The following SEMA3D variants were observed in gnomAD, a reference collection of about 807,000 sequenced individuals.
SEMA3D encodes the protein semaphorin-3D.
Under a neutral mutation model 100.1 loss-of-function variants are expected in SEMA3D, and 84 were observed. The observed-to-expected ratio is 0.84, with a 90% CI of 0.70 to 1.01. The LOEUF (loss-of-function observed/expected upper bound fraction) is 1.01, where lower values mean the gene tolerates loss of function less well. Ranked by LOEUF, SEMA3D falls within the 50% of genes least tolerant of loss-of-function variation. SEMA3D has a pLI of 0.00. For synonymous variants in SEMA3D, 312 were observed against 320.7 expected, an observed-to-expected ratio of 0.97 and a Z score of 0.29; for missense variants, 875 against 934.1, an observed-to-expected ratio of 0.94 and a Z score of 0.82.
At chr7:85,080,644 A>G (rs1268201599) in intron 5 of SEMA3D, among the ~76,000 whole-genome samples, 1 of 152,222 alleles carries the variant, frequency 6.6e-6, no homozygotes, top group East Asian at 1.9e-4. Context: ...CAAAAAAAGG[A>G]GCAATTCTCC....
intron 11 of SEMA3D, among the ~76,000 whole-genome samples, chr7:85,037,721 G>T (rs1584541314): frequency 6.6e-6 from 1 of 151,968 alleles, no homozygotes. Flanking sequence ...CAGGATTAGA[G>T]AAAGTATTAA....
At chr7:85,025,090 C>T (rs930158716) in intron 12 of SEMA3D, among the ~76,000 whole-genome samples, 7 of 151,940 alleles carry the variant, frequency 4.6e-5, no homozygotes, top group South Asian at 2.1e-4. Context: ...GGGTTTTTCT[C>T]CGTATGTATG....
intron 1 of SEMA3D, among the ~76,000 whole-genome samples, chr7:85,177,621 TAATA>T (rs1194593391): frequency 6.6e-6 from 1 of 152,144 alleles, no homozygotes; most frequent in African/African-American, 2.4e-5. Flanking sequence ...TAGAGATGAC[TAATA>T]AATAGCATTT....
intron 2 of SEMA3D, among the ~76,000 whole-genome samples, chr7:85,147,970 T>C (rs1051997513): frequency 1.3e-5 from 2 of 152,076 alleles, no homozygotes; most frequent in African/African-American, 4.8e-5. Flanking sequence ...GGTTTTATTC[T>C]CTCAAACACC....
the SEMA3D span, among the ~76,000 whole-genome samples, chr7:85,215,321 A>G: frequency 3.3e-5 from 5 of 152,194 alleles, no homozygotes; most frequent in African/African-American, 1.2e-4. Flanking sequence ...AGTAGGTGTT[A>G]TTGTTGTTCT....
chr7:85,204,587 C>T, the SEMA3D span, among the ~76,000 whole-genome samples: 4 of 151,962 alleles, frequency 2.6e-5, no homozygotes, highest in African/African-American at 7.3e-5. Flanking sequence ...ATGATAGGTA[C>T]GGGAACTTAC....
intron 4 of SEMA3D, among the ~76,000 whole-genome samples, chr7:85,090,172 T>G (rs1788343051): frequency 6.6e-6 from 1 of 152,126 alleles, no homozygotes; most frequent in African/African-American, 2.4e-5. Context: ...TGGCACAGAA[T>G]CTGGCATGGT....
At chr7:85,047,546 T>C (rs1264453923) in intron 9 of SEMA3D, among the ~76,000 whole-genome samples, 2 of 151,856 alleles carry the variant, frequency 1.3e-5, no homozygotes, top group African/African-American at 4.8e-5. Flanking sequence ...ACATTGTCAT[T>C]TTAACCTATA....
intron 1 of SEMA3D, among the ~76,000 whole-genome samples, chr7:85,175,642 T>C (rs1583990821): frequency 6.6e-6 from 1 of 152,316 alleles, no homozygotes; most frequent in East Asian, 1.9e-4. Context: ...TACTATAATT[T>C]CTTAATTTGT....
chr7:85,202,121 A>G, the SEMA3D span, among the ~76,000 whole-genome samples: 1 of 151,404 alleles, frequency 6.6e-6, no homozygotes, highest in Non-Finnish European at 1.5e-5. Flanking sequence ...GGTTAGTTAC[A>G]TACATATACA....
At chr7:85,087,350 T>TG (rs1308484343) in intron 4 of SEMA3D, among the ~76,000 whole-genome samples, 1 of 152,204 alleles carries the variant, frequency 6.6e-6, no homozygotes, top group Non-Finnish European at 1.5e-5. Flanking sequence ...ATAATTTTGG[T>TG]GGGTTGTGGT....
chr7:85,049,382 T>C (rs552247799), intron 9 of SEMA3D, among the ~76,000 whole-genome samples: 6 of 151,880 alleles, frequency 4.0e-5, no homozygotes, highest in African/African-American at 1.4e-4. Flanking sequence ...ATAAAAATTA[T>C]TGGAAATACA....
the SEMA3D span, among the ~76,000 whole-genome samples, chr7:85,237,838 A>G: frequency 1.3e-5 from 2 of 152,118 alleles, no homozygotes; most frequent in Non-Finnish European, 2.9e-5. Flanking sequence ...TTTATTTTGT[A>G]AGAAACCACA....
the SEMA3D span, among the ~76,000 whole-genome samples, chr7:85,225,053 TATATATA>T: frequency 0.04 from 70 of 1,732 alleles, 2 homozygotes; most frequent in Middle Eastern, 0.1. Context: ...TTTTCTTTTA[TATATATA>T]TATATATATA....
At chr7:85,218,305 G>T in the SEMA3D span, among the ~76,000 whole-genome samples, 1 of 151,940 alleles carries the variant, frequency 6.6e-6, no homozygotes. Context: ...TTAAGTGATG[G>T]ACATGTACCA....
intron 2 of SEMA3D, among the ~76,000 whole-genome samples, chr7:85,146,492 T>G (rs1464947851): frequency 6.6e-6 from 1 of 151,794 alleles, no homozygotes; most frequent in Non-Finnish European, 1.5e-5. Context: ...AGGCGGAGGT[T>G]GCATTGAGCC....
intron 8 of SEMA3D, among the ~76,000 whole-genome samples, chr7:85,061,560 C>T (rs1361012157): frequency 6.6e-6 from 1 of 152,110 alleles, no homozygotes; most frequent in African/African-American, 2.4e-5. Flanking sequence ...TATTCTCTCC[C>T]CTCCCACTCC....
chr7:85,161,624 T>C (rs1043970788), intron 1 of SEMA3D, among the ~76,000 whole-genome samples: 31 of 152,028 alleles, frequency 2.0e-4, no homozygotes, highest in African/African-American at 7.5e-4. Context: ...AGGAGTGAGA[T>C]GGCTCTTCAC....
intron 1 of SEMA3D, among the ~76,000 whole-genome samples, chr7:85,183,370 T>C (rs1406215669): frequency 6.6e-6 from 1 of 152,190 alleles, no homozygotes; most frequent in Non-Finnish European, 1.5e-5. Context: ...CCAAGCAATA[T>C]CCTTTTTAGT....
Sources: allele counts gnomAD v4.1 joint callset (sites outside exome capture counted in the v4.1 genomes callset), GRCh38; gene constraint gnomAD v4.1.1; transcripts MANE v1.5; gene names NCBI Gene and HGNC (gene_info 2026-07-23, HGNC 2026-07-21).